ACVR1C: variants seen among roughly 807,000 people sequenced by gnomAD.
ACVR1C encodes the protein activin receptor type-1C.
Under a neutral mutation model 57.9 loss-of-function variants are expected in ACVR1C, and 23 were observed. The ratio of observed to expected loss-of-function variants is 0.40; its 90% CI spans 0.29 to 0.56. The LOEUF (loss-of-function observed/expected upper bound fraction) is 0.56, where lower values mean the gene tolerates loss of function less well. Among genes scored for constraint, ACVR1C ranks in the 20% least tolerant of loss-of-function variants. The pLI, the probability that ACVR1C is intolerant of heterozygous loss-of-function variation, is 0.50. For synonymous variants in ACVR1C, 214 were observed against 215.3 expected (o/e 0.99, Z 0.05); for missense variants, 480 against 607.9 (o/e 0.79, Z 2.21).
chr2:157,546,038 TC>T (rs1687748277), intron 4 of ACVR1C, among the ~76,000 whole-genome samples: 1 of 152,184 alleles, frequency 6.6e-6, no homozygotes, highest in Non-Finnish European at 1.5e-5. Context: ...CACCTTGGCC[TC>T]CCGAAGTGCT....
chr2:157,622,934 A>T (rs1682815118), intron 1 of ACVR1C, among the ~76,000 whole-genome samples: 1 of 152,100 alleles, frequency 6.6e-6, no homozygotes, highest in African/African-American at 2.4e-5. Context: ...ATAATCCAAT[A>T]AAAAAATTGA....
At chr2:157,617,667 G>T (rs774082664) in intron 1 of ACVR1C, among the ~76,000 whole-genome samples, 12 of 151,970 alleles carry the variant, frequency 7.9e-5, no homozygotes, top group South Asian at 4.1e-4. Flanking sequence ...TGAACTCTGT[G>T]TAATAATATG....
At chr2:157,601,139 A>G (rs528698626) in intron 1 of ACVR1C, among the ~76,000 whole-genome samples, 9 of 151,848 alleles carry the variant, frequency 5.9e-5, no homozygotes, top group Middle Eastern at 6.8e-3. Context: ...CCAACATGTT[A>G]AAACCCCATC....
chr2:157,537,649 A>G (rs1334900928), intron 8 of ACVR1C, among the ~76,000 whole-genome samples: 1 of 152,198 alleles, frequency 6.6e-6, no homozygotes, highest in East Asian at 1.9e-4. Context: ...AGACTAAAAG[A>G]CATCACCTAA....
At chr2:157,580,606 A>AT (rs1437846835) in intron 2 of ACVR1C, among the ~76,000 whole-genome samples, 1 of 152,180 alleles carries the variant, frequency 6.6e-6, no homozygotes. Flanking sequence ...AATATCAATA[A>AT]TTTTTTTCTA....
chr2:157,579,148 TG>T (rs759676692), intron 2 of ACVR1C, among the ~76,000 whole-genome samples: 141 of 152,334 alleles, frequency 9.3e-4, no homozygotes, highest in Non-Finnish European at 1.7e-3. Context: ...TTCTTGGGAT[TG>T]GGGAAGGGCG....
At chr2:157,540,454 A>G (rs1053328388) in intron 7 of ACVR1C, among the ~76,000 whole-genome samples, 5 of 151,686 alleles carry the variant, frequency 3.3e-5, no homozygotes, top group Non-Finnish European at 7.4e-5. Context: ...CATGCCCGGC[A>G]TGCCTGGCTA....
chr2:157,557,272 G>A (rs1308134856), intron 2 of ACVR1C, among the ~76,000 whole-genome samples: 1 of 152,188 alleles, frequency 6.6e-6, no homozygotes, highest in Non-Finnish European at 1.5e-5. Flanking sequence ...TTTGGTAGGT[G>A]AGAGACACGA....
chr2:157,549,707 T>C (rs1320691577), intron 4 of ACVR1C, among the ~76,000 whole-genome samples: 1 of 151,542 alleles, frequency 6.6e-6, no homozygotes, highest in Non-Finnish European at 1.5e-5. Flanking sequence ...AGAGACGGGC[T>C]GGGTGCGGTG....
chr2:157,535,394 T>C lies in ACVR1C; in HGVS notation c.1357-1351A>G, dbSNP rs547315083. ...CATTGTAAATAGTAGTTTTGGCCCA[T>C]AGAAACATTAGATGCTAGAATTAAA... On this transcript the variant is annotated intron_variant, in intron 8 of 8. Coordinates refer to ENST00000243349, the MANE Select transcript of ACVR1C (RefSeq NM_145259.3). Among the ~76,000 whole-genome samples, 257 of 152,130 alleles carry C rather than the reference T, an allele frequency of 1.7e-3. 1 individual carries two copies. The highest frequency in any genetic ancestry group is 5.8e-3 in the African/African-American group (242 of 41,494).
At chr2:157,544,035 CT>C (rs1217763945) in intron 5 of ACVR1C, among the ~76,000 whole-genome samples, 5,147 of 124,358 alleles carry the variant, frequency 0.041, 51 homozygotes, top group African/African-American at 0.082. Flanking sequence ...TGTTTCTTTA[CT>C]TTTTTTTTTT....
chr2:157,539,115 A>G (rs193212522), intron 7 of ACVR1C, among the ~76,000 whole-genome samples: 6 of 152,072 alleles, frequency 3.9e-5, no homozygotes, highest in African/African-American at 1.4e-4. Flanking sequence ...TCTTCTGATT[A>G]TGAAATTTGT....
intron 2 of ACVR1C, 139 bp from the exon 3 acceptor site, chr2:157,556,471 C>G (rs1218521018): frequency 8.9e-7 from 1 of 1,119,538 alleles, no homozygotes; most frequent in Non-Finnish European, 1.3e-6. Flanking sequence ...GGTAAAGGCT[C>G]TCTGTGGTAT....
intron 8 of ACVR1C, 97 bp from the exon 9 acceptor site, chr2:157,534,140 CTT>C (rs879333768): frequency 0.017 from 13,628 of 813,918 alleles, no homozygotes; most frequent in East Asian, 0.021. Flanking sequence ...TGATGCTAAG[CTT>C]TTTTTTTTTT....
In ACVR1C at chr2:157,531,862, C is replaced by T. The variant is rs143107960; in HGVS notation, c.*2056G>A. 1.7e-4 allele frequency: 26 copies of T among 152,172 alleles called. No homozygotes were observed. The highest frequency in any genetic ancestry group is 7.9e-4 in the Admixed American group (12 of 15,254). The allele number at this position is 152,172 out of a possible 1,614,324, so 9.4% of individuals were successfully genotyped here. On this transcript the variant is annotated 3_prime_UTR_variant, in exon 9 of 9. Transcript: ENST00000243349. ...CACTGTCATGCAGAACTCAAGACAT[C>T]CCACTTCGTATTTTATCTGTCAATT...
chr2:157,543,604 C>G (rs897573188), intron 5 of ACVR1C, among the ~76,000 whole-genome samples: 4 of 151,934 alleles, frequency 2.6e-5, no homozygotes, highest in Admixed American at 2.0e-4. Context: ...ACACAAAAAC[C>G]TTTGTAGTCC....
At position 157,550,151 on chromosome 2, in the gene ACVR1C, AT is replaced by A; in HGVS notation, c.775+10del. 1 of 1,612,626 alleles carries A rather than the reference AT, an allele frequency of 6.2e-7. No individual in the cohort carries two copies. Among genetic ancestry groups the A allele is most frequent in the Non-Finnish European group, 8.5e-7 (1 of 1,178,844 alleles). ...TTTTTTACTTGTTGAACACAATTAG[AT>A]TGGAAATACCTTTGTTGTCAGCAGC... On this transcript the variant is annotated intron_variant, in intron 4 of 8. Coordinates refer to ENST00000243349, the MANE Select transcript of ACVR1C (RefSeq NM_145259.3).
chr2:157,549,507 T>G (rs1687858209), intron 4 of ACVR1C, among the ~76,000 whole-genome samples: 1 of 152,306 alleles, frequency 6.6e-6, no homozygotes, highest in African/African-American at 2.4e-5. Context: ...TTGAGGCTTC[T>G]GTTCTGATTA....
intron 1 of ACVR1C, 35 bp downstream of exon 1, chr2:157,628,537 C>A (rs748160005): frequency 1.3e-6 from 2 of 1,597,128 alleles, no homozygotes; most frequent in Non-Finnish European, 1.7e-6. Flanking sequence ...CAGCTCCCAC[C>A]CTCGCGGGCG....
Sources: gnomAD v4.1 joint callset for allele counts (sites outside exome capture counted in the v4.1 genomes callset) on GRCh38, gnomAD v4.1.1 for gene constraint, MANE v1.5 for transcripts, NCBI Gene and HGNC (gene_info 2026-07-23, HGNC 2026-07-21) for gene names.